Variants in TRIM71 observed in about 807,000 individuals in gnomAD.
TRIM71 encodes the protein E3 ubiquitin-protein ligase TRIM71.
A neutral mutation model predicts 61.2 loss-of-function variants in TRIM71; 9 were observed. The ratio of observed to expected loss-of-function variants is 0.15; its 90% confidence interval spans 0.09 to 0.26. TRIM71 has a LOEUF of 0.26. TRIM71 is among the 10% of genes least tolerant of loss of function. The pLI is 1.00. For missense variants in TRIM71, 998 were observed against 1,238.7 expected, an observed-to-expected ratio of 0.81 and a Z score of 2.92; for synonymous variants, 645 against 553.2, an observed-to-expected ratio of 1.17 and a Z score of -2.33.
chr3:32,895,997 A>G lies in TRIM71; in HGVS notation c.*4186A>G, dbSNP rs1417245318. 6.6e-6 allele frequency: 1 copy of G among 152,242 alleles called. No individual in the cohort carries two copies. 9.4% of individuals were successfully genotyped at this position (152,242 alleles called of 1,614,324 possible). The stretch of plus-strand genomic sequence containing the variant: ...ATGTTCTACTTACCTTGAAAGAGAA[A>G]TGTCAGGCAAATGTAGTCATAAATC... On this transcript the variant is annotated 3_prime_UTR_variant, in exon 4 of 4. Transcript: ENST00000383763.
At chr3:32,820,301 C>A (rs1696113724) in intron 1 of TRIM71, among the ~76,000 whole-genome samples, 1 of 152,202 alleles carries the variant, frequency 6.6e-6, no homozygotes, top group Non-Finnish European at 1.5e-5. Context: ...GCCTGATGGC[C>A]TTTAGCTGGC....
intron 1 of TRIM71, among the ~76,000 whole-genome samples, chr3:32,830,068 T>A (rs1696252540): frequency 6.6e-6 from 1 of 151,732 alleles, no homozygotes; most frequent in African/African-American, 2.4e-5. Context: ...GGACTATAGG[T>A]ACATGCCACC....
Position 32,818,180 on chromosome 3 carries a change from T to C in TRIM71, c.100T>C (p.Ser34Pro). The C allele has an allele frequency of 6.3e-7, 1 of 1,598,442 alleles. No homozygotes were observed. Among genetic ancestry groups the C allele is most frequent in the Non-Finnish European group, 8.5e-7 (1 of 1,173,844 alleles). ...CTCCTCCAACTCGTCCGCGTCGTCG[T>C]CCTCCTCGCAGACGTCCACGTCGTC... is the stretch of plus-strand genomic sequence containing the variant. ...PLSSNSSASS[S>P]SSQTSTSSGG... Residue 34 changes from serine to proline, a missense_variant, in exon 1 of 4, where the codon TCC (serine) becomes CCC (proline). Coordinates refer to ENST00000383763, the MANE Select transcript of TRIM71 (RefSeq NM_001039111.3).
At chr3:32,828,359 G>A (rs1033540934) in intron 1 of TRIM71, among the ~76,000 whole-genome samples, 1 of 152,124 alleles carries the variant, frequency 6.6e-6, no homozygotes, top group African/African-American at 2.4e-5. Context: ...CTTTGCTTGA[G>A]CACTCTGATT....
chr3:32,865,065 C>T (rs938992688), intron 1 of TRIM71, among the ~76,000 whole-genome samples: 10 of 152,108 alleles, frequency 6.6e-5, no homozygotes, highest in African/African-American at 2.2e-4. Context: ...CGCAGTGGCT[C>T]ACGCCTGTAA....
intron 2 of TRIM71, among the ~76,000 whole-genome samples, chr3:32,875,117 G>A (rs1025544648): frequency 3.3e-5 from 5 of 152,182 alleles, no homozygotes; most frequent in South Asian, 2.1e-4. Flanking sequence ...CACCATGCCC[G>A]GCCTAATGCT....
chr3:32,851,226 T>G (rs1696535379), intron 1 of TRIM71, among the ~76,000 whole-genome samples: 1 of 152,224 alleles, frequency 6.6e-6, no homozygotes, highest in Non-Finnish European at 1.5e-5. Context: ...GAAAATTTCT[T>G]AAGTAGATGG....
At chr3:32,842,705 A>T (rs1044272530) in intron 1 of TRIM71, among the ~76,000 whole-genome samples, 1 of 69,314 alleles carries the variant, frequency 1.4e-5, no homozygotes, top group South Asian at 7.5e-4. Context: ...CCCCAGGGTT[A>T]TTCATGTCCC....
chr3:32,846,495 G>A (rs1696476786), intron 1 of TRIM71, among the ~76,000 whole-genome samples: 1 of 152,124 alleles, frequency 6.6e-6, no homozygotes, highest in African/African-American at 2.4e-5. Context: ...AGATACTTAT[G>A]TTTTTTGTAA....
intron 1 of TRIM71, among the ~76,000 whole-genome samples, chr3:32,866,318 G>A (rs971663226): frequency 4.0e-5 from 6 of 151,744 alleles, no homozygotes; most frequent in Admixed American, 6.6e-5. Flanking sequence ...GCGTGATCTC[G>A]CCTCACTGCA....
chr3:32,885,810 G>A, intron 2 of TRIM71, 124 bp from the exon 3 acceptor site: 1 of 1,349,622 alleles, frequency 7.4e-7, no homozygotes, highest in Non-Finnish European at 1.0e-6. Flanking sequence ...CCAAGGGAGT[G>A]AATCAAGTGG....
intron 1 of TRIM71, among the ~76,000 whole-genome samples, chr3:32,863,545 C>A (rs369787145): frequency 6.6e-6 from 1 of 152,190 alleles, no homozygotes; most frequent in East Asian, 1.9e-4. Context: ...CCTGCAACTA[C>A]TGTTGTTTTC....
intron 1 of TRIM71, among the ~76,000 whole-genome samples, chr3:32,839,182 A>G (rs1362587932): frequency 2.0e-5 from 3 of 152,154 alleles, no homozygotes; most frequent in Non-Finnish European, 4.4e-5. Flanking sequence ...GCTATTATAC[A>G]TGCCATTCAG....
At chr3:32,822,336 T>C (rs183973279) in intron 1 of TRIM71, among the ~76,000 whole-genome samples, 13 of 152,236 alleles carry the variant, frequency 8.5e-5, no homozygotes, top group African/African-American at 3.1e-4. Context: ...CAGGTGTTGG[T>C]AGAATCCATG....
At chr3:32,877,404 A>ATT (rs77945008) in intron 2 of TRIM71, among the ~76,000 whole-genome samples, 21 of 145,460 alleles carry the variant, frequency 1.4e-4, no homozygotes, top group African/African-American at 5.2e-4. Flanking sequence ...GCGCCTGGCC[A>ATT]TTTTTTTTTT....
At chr3:32,827,884 T>C (rs755737207) in intron 1 of TRIM71, among the ~76,000 whole-genome samples, 1 of 152,218 alleles carries the variant, frequency 6.6e-6, no homozygotes, top group Non-Finnish European at 1.5e-5. Flanking sequence ...TCTTCTCGTC[T>C]TAACCTTTTG....
chr3:32,863,981 A>G (rs1459771614), intron 1 of TRIM71, among the ~76,000 whole-genome samples: 1 of 152,122 alleles, frequency 6.6e-6, no homozygotes, highest in African/African-American at 2.4e-5. Context: ...CCACGCCTGA[A>G]CTTCTTGTGT....
chr3:32,867,944 C>A (rs971077968), intron 1 of TRIM71, among the ~76,000 whole-genome samples: 15 of 151,958 alleles, frequency 9.9e-5, no homozygotes, highest in African/African-American at 3.6e-4. Flanking sequence ...ATTCCTAACA[C>A]CCCTTTTTTT....
intron 1 of TRIM71, among the ~76,000 whole-genome samples, chr3:32,838,643 C>A (rs1696363322): frequency 6.6e-6 from 1 of 151,526 alleles, no homozygotes; most frequent in Non-Finnish European, 1.5e-5. Flanking sequence ...GGAGCTAAAG[C>A]TCTTTGGTCC....
Sources: allele counts gnomAD v4.1 joint callset (sites outside exome capture counted in the v4.1 genomes callset), GRCh38; gene constraint gnomAD v4.1.1; transcripts MANE v1.5; gene names NCBI Gene and HGNC (gene_info 2026-07-23, HGNC 2026-07-21).